NAT1: variants seen among roughly 807,000 people sequenced by gnomAD.
NAT1 encodes N-acetyltransferase 1.
For synonymous variants in NAT1, 144 were observed against 122.6 expected, an observed-to-expected ratio of 1.17 and a Z score of -1.16; for missense variants, 400 against 339.2, an observed-to-expected ratio of 1.18 and a Z score of -1.41.
At chr8:18,197,204 A>T (rs1803271210) in intron 2 of NAT1, among the ~76,000 whole-genome samples, 1 of 152,188 alleles carries the variant, frequency 6.6e-6, no homozygotes, top group Non-Finnish European at 1.5e-5. Flanking sequence ...CTCCACTGAC[A>T]TGTGGAGATT....
chr8:18,221,310 G>T (rs1589129221), intron 2 of NAT1, among the ~76,000 whole-genome samples: 1 of 137,676 alleles, frequency 7.3e-6, no homozygotes, highest in Non-Finnish European at 1.5e-5. Context: ...TTTTTTTGGT[G>T]TGTTTTTTTT....
chr8:18,207,444 G>A (rs1343693553), upstream of NAT1, among the ~76,000 whole-genome samples: 1 of 151,738 alleles, frequency 6.6e-6, no homozygotes. Context: ...AGCTTGATGA[G>A]AATAGCATAG....
chr8:18,188,319 C>T (rs1004894519), intron 2 of NAT1, among the ~76,000 whole-genome samples: 1 of 152,184 alleles, frequency 6.6e-6, no homozygotes, highest in African/African-American at 2.4e-5. Flanking sequence ...TCAACTTTGA[C>T]TTCCTCCAGT....
intron 2 of NAT1, among the ~76,000 whole-genome samples, chr8:18,191,862 A>C (rs1045028173): frequency 1.7e-3 from 256 of 152,202 alleles, no homozygotes; most frequent in Non-Finnish European, 3.0e-3. Context: ...AGACTTAAAC[A>C]TTAGACCTAA....
In NAT1 at chr8:18,221,128, C is replaced by G. The variant is rs147050736; in HGVS notation, c.-6-914C>G. Among the ~76,000 whole-genome samples, 456 of 152,288 alleles carry G rather than the reference C, an allele frequency of 3.0e-3. 2 individuals carry two copies. Among genetic ancestry groups the G allele is most frequent in the African/African-American group, 0.01 (434 of 41,568 alleles). Reference sequence around the variant, plus strand: ...GTCAGATCTCATCTCAGTCCACTCTCCTTCTTACTCATGTGCTCCAATTAC... The same window carrying G: ...GTCAGATCTCATCTCAGTCCACTCTGCTTCTTACTCATGTGCTCCAATTAC... On this transcript the variant is annotated intron_variant, in intron 2 of 2. Transcript: ENST00000307719.
chr8:18,174,343 A>G (rs1802209049), intron 2 of NAT1, among the ~76,000 whole-genome samples: 1 of 152,094 alleles, frequency 6.6e-6, no homozygotes. Context: ...TGAAGATTAA[A>G]CACATCATTA....
rs1802638947 is a variant in NAT1, at chr8:18,184,206, C to T, written n.92+13467C>T. Among the ~76,000 whole-genome samples, 3 of 152,188 alleles carry T rather than the reference C, an allele frequency of 2.0e-5. No homozygotes were observed. The South Asian group carries it at 6.2e-4, about 32-fold the overall frequency. On this transcript the variant is annotated intron_variant and non_coding_transcript_variant, in intron 2 of 4. Transcript: ENST00000517441. ...AATTCATGCCTCCTCAGCTCTGGCA[C>T]TATGTGAGCCTGCAGAATTAGAACC...
chr8:18,207,623 C>G (rs1027470815), upstream of NAT1, among the ~76,000 whole-genome samples: 1 of 152,098 alleles, frequency 6.6e-6, no homozygotes, highest in Non-Finnish European at 1.5e-5. Context: ...AAACAGATGC[C>G]AGTGAGGCTG....
At position 18,176,019 on chromosome 8, in the gene NAT1, C is replaced by T. The variant is rs1425409199; in HGVS notation, n.92+5280C>T. On this transcript the variant is annotated intron_variant and non_coding_transcript_variant, in intron 2 of 4. Transcript: ENST00000517441. The stretch of plus-strand genomic sequence containing the variant: ...TTCCTTTCTGTTATTTTGAGAAATG[C>T]CTGTTCAGATCCTTTGCCCATTTTT... 2.6e-5 allele frequency among the ~76,000 whole-genome samples: 4 copies of T among 152,156 alleles called. No homozygotes were observed. The East Asian group carries it at 5.8e-4, about 22-fold the overall frequency.
chr8:18,173,698 T>C (rs1802183804), intron 2 of NAT1, among the ~76,000 whole-genome samples: 1 of 152,170 alleles, frequency 6.6e-6, no homozygotes, highest in African/African-American at 2.4e-5. Flanking sequence ...ATAGAATGGG[T>C]ATAAGATTAT....
At position 18,219,239 on chromosome 8, in the gene NAT1, G is replaced by C. The variant is rs191377781; in HGVS notation, c.-85-172G>C. 1.2e-3 allele frequency among the ~76,000 whole-genome samples: 176 copies of C among 152,264 alleles called. 4 individuals carry two copies. The highest frequency in any genetic ancestry group is 1.6e-4 in the Non-Finnish European group (11 of 68,012). ...CATCAGCGTTGCACCCATCTCCATA[G>C]TTGTAGTTTCCACACACTTATACAA... On this transcript the variant is annotated intron_variant, in intron 1 of 2. Coordinates refer to ENST00000307719, the MANE Select transcript of NAT1 (RefSeq NM_000662.8).
At chr8:18,202,319 A>G (rs529502946) in intron 2 of NAT1, among the ~76,000 whole-genome samples, 17 of 152,276 alleles carry the variant, frequency 1.1e-4, no homozygotes, top group Admixed American at 1.0e-3. Context: ...GCTAACAATT[A>G]TTTTGGGGAA....
chr8:18,211,835 A>T (rs1563184216), intron 1 of NAT1, among the ~76,000 whole-genome samples: 1 of 151,952 alleles, frequency 6.6e-6, no homozygotes, highest in African/African-American at 2.4e-5. Flanking sequence ...AAAGAAAAGA[A>T]AAGAAAAAAC....
chr8:18,205,531 C>T (rs980590498), upstream of NAT1, among the ~76,000 whole-genome samples: 8 of 152,066 alleles, frequency 5.3e-5, no homozygotes, highest in African/African-American at 1.9e-4. Flanking sequence ...CTGTGCCTGC[C>T]AAGTCTCCAT....
At chr8:18,171,712 A>T (rs1343350511) in intron 2 of NAT1, among the ~76,000 whole-genome samples, 1 of 152,222 alleles carries the variant, frequency 6.6e-6, no homozygotes, top group African/African-American at 2.4e-5. Context: ...AGACAAAAGG[A>T]CAAACCAGAC....
At chr8:18,176,985 A>C (rs1378919282) in intron 2 of NAT1, among the ~76,000 whole-genome samples, 1 of 151,988 alleles carries the variant, frequency 6.6e-6, no homozygotes, top group Non-Finnish European at 1.5e-5. Context: ...ATTGTGAATG[A>C]GATTATTTTT....
chr8:18,185,005 C>A lies in NAT1; in HGVS notation n.92+14266C>A, dbSNP rs59506771. ...TGCTATCTTTTTTAGTTGTTGCTGG[C>A]AAATCTAAACATTGGTTAAACAAAT... On this transcript the variant is annotated intron_variant and non_coding_transcript_variant, in intron 2 of 4. Transcript: ENST00000517441. Among the ~76,000 whole-genome samples, 867 of 152,216 alleles carry A rather than the reference C, an allele frequency of 5.7e-3. 8 individuals carry two copies. Among genetic ancestry groups the A allele is most frequent in the African/African-American group, 0.02 (837 of 41,528 alleles).
At chr8:18,218,134 TCTC>T (rs548824051) in intron 1 of NAT1, among the ~76,000 whole-genome samples, 39 of 152,148 alleles carry the variant, frequency 2.6e-4, no homozygotes, top group Non-Finnish European at 4.3e-4. Flanking sequence ...TGTTTTCTCT[TCTC>T]CTCTATTATT....
In NAT1 at chr8:18,213,564, C is replaced by G. The variant is rs541167578; in HGVS notation, c.-86+3384C>G. On this transcript the variant is annotated intron_variant, in intron 1 of 2. Coordinates refer to ENST00000307719, the MANE Select transcript of NAT1 (RefSeq NM_000662.8). ...CTTTTCACTCTAACCAACCAAATAG[C>G]TTTTCTTTGTCTCACTCCTGCAAAC... Among the ~76,000 whole-genome samples, 36 of 152,186 alleles carry G rather than the reference C, an allele frequency of 2.4e-4. No homozygotes were observed. In the South Asian group the frequency reaches 4.2e-3, roughly 18 times the overall value.
Sources: allele counts gnomAD v4.1 joint callset (sites outside exome capture counted in the v4.1 genomes callset), GRCh38; gene constraint gnomAD v4.1.1; transcripts MANE v1.5; gene names NCBI Gene and HGNC (gene_info 2026-07-23, HGNC 2026-07-21).